The following UBE2E2 variants were observed in gnomAD, a reference collection of about 807,000 sequenced individuals.
UBE2E2 encodes the protein ubiquitin conjugating enzyme E2 E2.
UBE2E2 carries 6 observed loss-of-function variants against 24.7 expected under a neutral mutation model. That is an observed-to-expected ratio of 0.24 (90% CI 0.13 to 0.48). UBE2E2 has a LOEUF of 0.48. UBE2E2 is among the 20% of genes least tolerant of loss of function. The pLI is 0.99. For missense variants in UBE2E2, 169 were observed against 245.0 expected (o/e 0.69, Z 2.07); for synonymous variants, 104 against 83.6 (o/e 1.24, Z -1.33).
intron 3 of UBE2E2, among the ~76,000 whole-genome samples, chr3:23,356,125 G>T (rs1695942624): frequency 6.6e-6 from 1 of 152,178 alleles, no homozygotes; most frequent in Non-Finnish European, 1.5e-5. Context: ...AACCTAAACT[G>T]CTACTGGTAC....
chr3:23,566,389 A>G (rs780304761), intron 5 of UBE2E2, among the ~76,000 whole-genome samples: 8 of 152,232 alleles, frequency 5.3e-5, no homozygotes, highest in Non-Finnish European at 8.8e-5. Flanking sequence ...CCAAGCTTGT[A>G]TAAGAGACTG....
At chr3:23,421,288 G>A (rs1017188468) in intron 3 of UBE2E2, among the ~76,000 whole-genome samples, 2 of 152,174 alleles carry the variant, frequency 1.3e-5, no homozygotes, top group Non-Finnish European at 2.9e-5. Context: ...AGCACAACTG[G>A]CTTAGGAGGC....
At chr3:23,325,802 A>G in intron 3 of UBE2E2, among the ~76,000 whole-genome samples, 1 of 152,240 alleles carries the variant, frequency 6.6e-6, no homozygotes, top group Non-Finnish European at 1.5e-5. Flanking sequence ...CATTATAAAA[A>G]TAACTAGGGA....
intron 3 of UBE2E2, among the ~76,000 whole-genome samples, chr3:23,248,916 A>G (rs936405759): frequency 1.3e-5 from 2 of 152,184 alleles, no homozygotes; most frequent in Non-Finnish European, 2.9e-5. Context: ...TGACCGACTG[A>G]TTTAAGAGCT....
chr3:23,532,719 T>C lies in UBE2E2; in HGVS notation c.508+18T>C. 4 of 1,500,878 alleles carry C rather than the reference T, an allele frequency of 2.7e-6. No homozygotes were observed. The highest frequency in any genetic ancestry group is 2.7e-6 in the Non-Finnish European group (3 of 1,103,968). 93.0% of individuals were successfully genotyped at this position (1,500,878 alleles called of 1,614,324 possible). A position where few individuals can be genotyped will look rare whatever the true frequency, so the allele number is the denominator to read the frequency against. On this transcript the variant is annotated intron_variant, in intron 5 of 5. Coordinates refer to ENST00000396703, the MANE Select transcript of UBE2E2 (RefSeq NM_152653.4). ...CAACCCTGGTAAGAGACTTTAAATC[T>C]AGTATGAATTGGAGCTTGTCAAGAT...
intron 3 of UBE2E2, among the ~76,000 whole-genome samples, chr3:23,309,421 C>G (rs1040201154): frequency 6.6e-6 from 1 of 152,204 alleles, no homozygotes; most frequent in African/African-American, 2.4e-5. Flanking sequence ...TTGGCAACTA[C>G]ATCATCAGCC....
chr3:23,471,923 A>G (rs1028801185), intron 3 of UBE2E2, among the ~76,000 whole-genome samples: 2 of 148,576 alleles, frequency 1.3e-5, no homozygotes, highest in Non-Finnish European at 3.0e-5. Flanking sequence ...TCCCTTTCAC[A>G]GTACAGGAAA....
chr3:23,306,068 T>TA (rs1163956477), intron 3 of UBE2E2, among the ~76,000 whole-genome samples: 1 of 152,134 alleles, frequency 6.6e-6, no homozygotes, highest in Admixed American at 6.6e-5. Context: ...AAGTGGTAGA[T>TA]AAAAAAGGAA....
At chr3:23,224,435 C>T (rs936159420) in intron 3 of UBE2E2, among the ~76,000 whole-genome samples, 1 of 151,162 alleles carries the variant, frequency 6.6e-6, no homozygotes, top group Non-Finnish European at 1.5e-5. Context: ...AATAGGATTG[C>T]TTTCTTGATT....
chr3:23,350,358 C>T (rs1695705339), intron 3 of UBE2E2, among the ~76,000 whole-genome samples: 1 of 152,214 alleles, frequency 6.6e-6, no homozygotes, highest in African/African-American at 2.4e-5. Context: ...CGCAGTTCCT[C>T]ACCAGCAATG....
chr3:23,222,281 G>A (rs572633460), intron 3 of UBE2E2, among the ~76,000 whole-genome samples: 1 of 152,168 alleles, frequency 6.6e-6, no homozygotes, highest in South Asian at 2.1e-4. Flanking sequence ...CCATATTTTA[G>A]CTATTGTGAA....
chr3:23,324,802 A>AC (rs1468155943), intron 3 of UBE2E2, among the ~76,000 whole-genome samples: 2 of 151,858 alleles, frequency 1.3e-5, no homozygotes, highest in Non-Finnish European at 2.9e-5. Context: ...TAAAAAAAAA[A>AC]AACCTAAATG....
intron 3 of UBE2E2, among the ~76,000 whole-genome samples, chr3:23,234,596 T>C (rs1421070992): frequency 6.6e-6 from 1 of 152,198 alleles, no homozygotes; most frequent in Non-Finnish European, 1.5e-5. Context: ...ATTGACTTTA[T>C]AAGTTAGATA....
chr3:23,444,628 T>C (rs981361876), intron 3 of UBE2E2, among the ~76,000 whole-genome samples: 2 of 152,216 alleles, frequency 1.3e-5, no homozygotes, highest in Non-Finnish European at 2.9e-5. Flanking sequence ...TGCATATGCA[T>C]ATACCATACC....
At chr3:23,292,060 G>T (rs537842251) in intron 3 of UBE2E2, among the ~76,000 whole-genome samples, 35 of 151,902 alleles carry the variant, frequency 2.3e-4, no homozygotes, top group Admixed American at 7.9e-4. Flanking sequence ...GGGTTTCACC[G>T]TGTTAACCAG....
intron 4 of UBE2E2, among the ~76,000 whole-genome samples, chr3:23,522,400 G>GGGATTACA: frequency 6.6e-6 from 1 of 152,220 alleles, no homozygotes; most frequent in Admixed American, 6.5e-5. Context: ...CCAAAGTGCT[G>GGGATTACA]GGATTACAGG....
chr3:23,240,694 C>A (rs190632236), intron 3 of UBE2E2, among the ~76,000 whole-genome samples: 109 of 152,220 alleles, frequency 7.2e-4, no homozygotes, highest in African/African-American at 2.6e-3. Context: ...ATGAATTAAG[C>A]CCTTTGTATT....
At chr3:23,315,964 C>T (rs1694565505) in intron 3 of UBE2E2, among the ~76,000 whole-genome samples, 1 of 152,038 alleles carries the variant, frequency 6.6e-6, no homozygotes, top group Admixed American at 6.5e-5. Flanking sequence ...TTTACTTTAT[C>T]CCAAACAAAT....
chr3:23,249,576 CT>C (rs1043626840), intron 3 of UBE2E2, among the ~76,000 whole-genome samples: 5 of 151,738 alleles, frequency 3.3e-5, no homozygotes, highest in African/African-American at 1.2e-4. Flanking sequence ...TTCCAGTGAC[CT>C]TGAAAATAAA....
Sources: allele counts gnomAD v4.1 joint callset (sites outside exome capture counted in the v4.1 genomes callset), GRCh38; gene constraint gnomAD v4.1.1; transcripts MANE v1.5; gene names NCBI Gene and HGNC (gene_info 2026-07-23, HGNC 2026-07-21).